CACNA1B: variants seen among roughly 807,000 people sequenced by gnomAD.
CACNA1B encodes calcium voltage-gated channel subunit alpha1 B, also known as voltage-dependent N-type calcium channel subunit alpha-1B.
CACNA1B carries 70 observed loss-of-function variants against 247.2 expected under a neutral mutation model. The ratio of observed to expected loss-of-function variants is 0.28; its 90% CI spans 0.23 to 0.35. The LOEUF is 0.35. Among genes scored for constraint, CACNA1B ranks in the 10% least tolerant of loss-of-function variants. The pLI is 1.00. For synonymous variants in CACNA1B, 1,231 were observed against 1,294.4 expected (o/e 0.95, Z 1.05); for missense variants, 2,367 against 3,197.4 (o/e 0.74, Z 6.26).
In CACNA1B at chr9:138,085,791, C is replaced by G. The variant is rs757472509; in HGVS notation, c.5094+7533C>G. Among the ~76,000 whole-genome samples, 45 of 151,250 alleles carry G rather than the reference C, an allele frequency of 3.0e-4. 1 individual carries two copies. Among genetic ancestry groups the G allele is most frequent in the Non-Finnish European group, 6.2e-4 (42 of 67,990 alleles). On this transcript the variant is annotated intron_variant, in intron 36 of 46. Coordinates refer to ENST00000371372, the MANE Select transcript of CACNA1B (RefSeq NM_000718.4). ...AAACTGTCAGTCAAGAATACTATAC[C>G]CAGCAAAGCTATCCTTCAGAAATGA... is the stretch of plus-strand genomic sequence containing the variant.
intron 3 of CACNA1B, among the ~76,000 whole-genome samples, chr9:137,884,404 G>C (rs370067906): frequency 6.9e-6 from 1 of 144,250 alleles, no homozygotes; most frequent in East Asian, 2.1e-4. Context: ...CTGTGGTTCC[G>C]CTAGCAATGC....
At chr9:137,962,443 T>A (rs540803922) in intron 10 of CACNA1B, among the ~76,000 whole-genome samples, 2 of 152,250 alleles carry the variant, frequency 1.3e-5, no homozygotes, top group South Asian at 4.1e-4. Flanking sequence ...TTGGGGTTTG[T>A]TTGCTCTTGG....
chr9:137,908,514 T>TAAA, intron 3 of CACNA1B, among the ~76,000 whole-genome samples: 1 of 152,026 alleles, frequency 6.6e-6, no homozygotes. Flanking sequence ...AGACTCCGTC[T>TAAA]CAAAAGAAAA....
intron 20 of CACNA1B, chr9:138,040,688 T>A (rs993016548): frequency 4.4e-6 from 1 of 225,872 alleles, no homozygotes; most frequent in African/African-American, 2.3e-5. Context: ...GCCCGTTGTC[T>A]CCTTTTCACA....
chr9:138,108,737 C>T (rs930271134), intron 39 of CACNA1B, among the ~76,000 whole-genome samples: 1 of 152,088 alleles, frequency 6.6e-6, no homozygotes, highest in Non-Finnish European at 1.5e-5. Flanking sequence ...CAAGCTCTGC[C>T]TCCTGGGTTC....
chr9:137,986,565 G>A lies in CACNA1B; in HGVS notation c.1901+21G>A, dbSNP rs949299121. 5 of 1,613,288 alleles carry A rather than the reference G, an allele frequency of 3.1e-6. No homozygotes were observed. The South Asian group carries it at 3.3e-5, about 11-fold the overall frequency. On this transcript the variant is annotated intron_variant, in intron 14 of 46. Transcript: ENST00000371372. The surrounding 1 kb of genome is among the most constrained non-coding windows in gnomAD (Gnocchi z 6.0). Reference sequence around the variant, plus strand: ...GGACAGTAAGTGGGCCCGGGAGGGAGAGCTCAAGGCTGGGGGCTTGCAGGG... The same window carrying A: ...GGACAGTAAGTGGGCCCGGGAGGGAAAGCTCAAGGCTGGGGGCTTGCAGGG...
chr9:137,947,975 CTTTT>C (rs71387878), intron 6 of CACNA1B, among the ~76,000 whole-genome samples: 2 of 79,440 alleles, frequency 2.5e-5, no homozygotes, highest in East Asian at 4.5e-4. Flanking sequence ...TTCAGCATTC[CTTTT>C]TTTTTTTTTT....
At chr9:137,981,561 C>G (rs1211103976) in intron 12 of CACNA1B, among the ~76,000 whole-genome samples, 1 of 152,178 alleles carries the variant, frequency 6.6e-6, no homozygotes, top group Non-Finnish European at 1.5e-5. Context: ...ACTGCAACCT[C>G]TGCCTCCCGG....
At position 138,041,444 on chromosome 9, in the gene CACNA1B, A is replaced by G. The variant is rs886854238; in HGVS notation, c.3287-2330A>G. 5.9e-5 allele frequency among the ~76,000 whole-genome samples: 9 copies of G among 152,000 alleles called. No individual in the cohort carries two copies. In the East Asian group the frequency reaches 1.7e-3, roughly 29 times the overall value. The stretch of plus-strand genomic sequence containing the variant: ...TCGCTGTTTTGCTTCATTGTCTCCT[A>G]TTTCAGGGATTTAATTTTTTTAACT... On this transcript the variant is annotated intron_variant, in intron 20 of 46. Coordinates refer to ENST00000371372, the MANE Select transcript of CACNA1B (RefSeq NM_000718.4).
intron 31 of CACNA1B, among the ~76,000 whole-genome samples, chr9:138,065,474 G>A (rs141824065): frequency 4.6e-5 from 7 of 152,286 alleles, no homozygotes; most frequent in African/African-American, 1.2e-4. Context: ...GGAGGGGGAC[G>A]CTCCTGCAGG....
At chr9:137,997,927 T>C (rs185647900) in intron 15 of CACNA1B, among the ~76,000 whole-genome samples, 1 of 152,320 alleles carries the variant, frequency 6.6e-6, no homozygotes, top group Admixed American at 6.5e-5. Context: ...TGTGATCTGT[T>C]TGTGCAGAAG....
Position 137,952,166 on chromosome 9 carries a change from C to T in CACNA1B, c.967-108C>T. 1.2e-6 allele frequency: 1 copy of T among 809,842 alleles called. No individual in the cohort carries two copies. The highest frequency in any genetic ancestry group is 2.1e-6 in the Non-Finnish European group (1 of 477,130). 50.2% of individuals were successfully genotyped at this position (809,842 alleles called of 1,614,324 possible). ...TGGCCTCCCCACTGCCTGGACCCTA[C>T]CAGGTGTGTGCTTCTGAGAAGGAGG... On this transcript the variant is annotated intron_variant, in intron 6 of 46. Transcript: ENST00000371372. The surrounding 1 kb of genome is among the most constrained non-coding windows in gnomAD (Gnocchi z 4.8).
In CACNA1B at chr9:137,877,966, C is replaced by G; in HGVS notation, c.33C>G (p.Arg11=). The stretch of plus-strand genomic sequence containing the variant: ...GCTTCGGGGACGAGCTGGGCGGCCG[C>G]TATGGGGGCCCCGGCGGCGGAGAGC... The part of the protein sequence containing the change: MVRFGDELGG[R]YGGPGGGERA... Residue 11 remains arginine (R), a synonymous_variant, in exon 1 of 47, where the codon CGC becomes CGG. Coordinates refer to ENST00000371372, the MANE Select transcript of CACNA1B (RefSeq NM_000718.4). The G allele has an allele frequency of 9.0e-7, 1 of 1,110,852 alleles. No homozygotes were observed. The highest frequency in any genetic ancestry group is 1.1e-6 in the Non-Finnish European group (1 of 910,704). The allele number at this position is 1,110,852 out of a possible 1,614,324, so 68.8% of individuals were successfully genotyped here.
At chr9:137,994,415 T>G (rs1420565760) in intron 15 of CACNA1B, among the ~76,000 whole-genome samples, 1 of 152,198 alleles carries the variant, frequency 6.6e-6, no homozygotes, top group African/African-American at 2.4e-5. Context: ...CTGTCACTGT[T>G]TGTTTGCCGA....
At chr9:138,005,515 TAGA>T (rs2133410958) in intron 15 of CACNA1B, among the ~76,000 whole-genome samples, 1 of 152,220 alleles carries the variant, frequency 6.6e-6, no homozygotes, top group East Asian at 1.9e-4. Flanking sequence ...CACAGTTAGA[TAGA>T]AGGAGCGAGT....
chr9:138,039,211 T>TA lies in CACNA1B; in HGVS notation c.3287-4552dup, dbSNP rs558845760. ...ACTCCGTCTCAAAAAAAATAAAAAATAAAAAAAAAAAGAGAAAAATATGTC... is the reference window on the plus strand; with the variant it reads ...ACTCCGTCTCAAAAAAAATAAAAAATAAAAAAAAAAAAGAGAAAAATATGTC... On this transcript the variant is annotated intron_variant, in intron 20 of 46. Transcript: ENST00000371372. Among the ~76,000 whole-genome samples the TA allele has an allele frequency of 8.8e-3, 1,248 of 142,618 alleles. 7 individuals carry two copies. Among genetic ancestry groups the TA allele is most frequent in the Non-Finnish European group, 0.014 (926 of 64,888 alleles). The allele number at this position is 142,618 out of a possible 152,430, so 93.6% of individuals were successfully genotyped here.
In CACNA1B at chr9:137,957,713, T is replaced by C; in HGVS notation, c.1333+26T>C. The C allele has an allele frequency of 6.6e-7, 1 of 1,509,848 alleles. No homozygotes were observed. The highest frequency in any genetic ancestry group is 9.0e-7 in the Non-Finnish European group (1 of 1,112,082). 93.5% of individuals were successfully genotyped at this position (1,509,848 alleles called of 1,614,324 possible). ...GTGAGTCTCAGGGTGTCCCTCCAGC[T>C]CTGCCAGGCTTGAGCTGGACATGGA... is the stretch of plus-strand genomic sequence containing the variant. On this transcript the variant is annotated intron_variant, in intron 10 of 46. Coordinates refer to ENST00000371372, the MANE Select transcript of CACNA1B (RefSeq NM_000718.4). The surrounding 1 kb of genome is among the most constrained non-coding windows in gnomAD (Gnocchi z 4.7).
chr9:138,076,134 C>T (rs1197778997), intron 35 of CACNA1B, among the ~76,000 whole-genome samples: 2 of 152,196 alleles, frequency 1.3e-5, no homozygotes, highest in Non-Finnish European at 2.9e-5. Flanking sequence ...TGAAGGGAAG[C>T]CCTGAGGGAG....
rs957771136 is a variant in CACNA1B, at chr9:138,075,790, G to A, written c.4858-29G>A. On this transcript the variant is annotated intron_variant, in intron 34 of 46. Coordinates refer to ENST00000371372, the MANE Select transcript of CACNA1B (RefSeq NM_000718.4). ...GCGCGGCTCCTGCAGACCCAGCAGG[G>A]TCCGTGCCATTGCTCTTCTCCATTG... 8 of 1,476,022 alleles carry A rather than the reference G, an allele frequency of 5.4e-6. 1 individual carries two copies. Among genetic ancestry groups the A allele is most frequent in the Non-Finnish European group, 6.6e-6 (7 of 1,063,556 alleles). The allele number at this position is 1,476,022 out of a possible 1,614,324, so 91.4% of individuals were successfully genotyped here.
Sources: gnomAD v4.1 joint callset for allele counts (sites outside exome capture counted in the v4.1 genomes callset) on GRCh38, gnomAD v4.1.1 for gene constraint, Gnocchi (gnomAD v3.1) non-coding constraint, MANE v1.5 for transcripts, NCBI Gene and HGNC (gene_info 2026-07-23, HGNC 2026-07-21) for gene names.